Variants in CHRM2 observed in about 807,000 individuals in gnomAD.
The protein encoded by CHRM2 is cholinergic receptor muscarinic 2, also known as muscarinic acetylcholine receptor M2.
A neutral mutation model predicts 25.0 loss-of-function variants in CHRM2; 8 were observed. That is an observed-to-expected ratio of 0.32 (90% CI 0.19 to 0.58). The LOEUF (loss-of-function observed/expected upper bound fraction) is 0.58. Among genes scored for constraint, CHRM2 ranks in the 20% least tolerant of loss-of-function variants. The pLI is 0.88. For synonymous variants in CHRM2, 202 were observed against 205.7 expected, an observed-to-expected ratio of 0.98 and a Z score of 0.15; for missense variants, 440 against 567.1, an observed-to-expected ratio of 0.78 and a Z score of 2.28.
Position 137,000,272 on chromosome 7 carries a change from C to T in CHRM2, c.-47+8008C>T, listed in dbSNP as rs190624324. 6.5e-3 allele frequency among the ~76,000 whole-genome samples: 899 copies of T among 138,808 alleles called. 9 individuals are homozygous for T. The highest frequency in any genetic ancestry group is 0.023 in the African/African-American group (855 of 37,536). The allele number at this position is 138,808 out of a possible 152,430, so 91.1% of individuals were successfully genotyped here. On this transcript the variant is annotated intron_variant, in intron 3 of 3. Coordinates refer to ENST00000680005, the MANE Select transcript of CHRM2 (RefSeq NM_001006630.2). ...GGAGTGCAGTGGCGCAATCTCGGCT[C>T]ACTGCAACCTCCACCTCCCAGGTTC...
At chr7:136,918,452 A>C (rs542630932) in intron 2 of CHRM2, among the ~76,000 whole-genome samples, 1 of 152,228 alleles carries the variant, frequency 6.6e-6, no homozygotes, top group Non-Finnish European at 1.5e-5. Flanking sequence ...CTAAGATATA[A>C]AGTCTTTTAT....
At chr7:136,912,325 T>C (rs929139408) in intron 2 of CHRM2, among the ~76,000 whole-genome samples, 2 of 151,982 alleles carry the variant, frequency 1.3e-5, no homozygotes, top group South Asian at 2.1e-4. Context: ...GTACCTATCA[T>C]GAGTTATCTT....
At chr7:136,930,275 C>A (rs62485248) in intron 2 of CHRM2, among the ~76,000 whole-genome samples, 40,636 of 151,702 alleles carry the variant, frequency 0.27, 6,193 homozygotes, top group Non-Finnish European at 0.35. Flanking sequence ...TCTACTAAAA[C>A]TACAAAACAA....
chr7:136,999,547 C>A (rs956365789), intron 3 of CHRM2, among the ~76,000 whole-genome samples: 1 of 151,888 alleles, frequency 6.6e-6, no homozygotes, highest in African/African-American at 2.4e-5. Flanking sequence ...TCCCTCCCCC[C>A]TCCTCCCACC....
In CHRM2 at chr7:136,875,849, C is replaced by A. The variant is rs1181558399; in HGVS notation, c.-125+6431C>A. ...TGTAATGACTGGTACAGTGTACATG[C>A]TAAATAAATACTAGCCAATATATTT... On this transcript the variant is annotated intron_variant, in intron 2 of 3. Transcript: ENST00000680005. Among the ~76,000 whole-genome samples the A allele has an allele frequency of 3.9e-5, 6 of 152,144 alleles. No homozygotes were observed. The East Asian group carries it at 1.2e-3, about 29-fold the overall frequency.
At chr7:136,937,815 A>C (rs928104077) in intron 2 of CHRM2, among the ~76,000 whole-genome samples, 9 of 152,236 alleles carry the variant, frequency 5.9e-5, no homozygotes, top group Non-Finnish European at 1.3e-4. Flanking sequence ...GAACGTGACC[A>C]TTACATATCA....
At chr7:136,960,046 G>A (rs1046666355) in intron 2 of CHRM2, among the ~76,000 whole-genome samples, 10 of 152,316 alleles carry the variant, frequency 6.6e-5, no homozygotes, top group South Asian at 6.2e-4. Flanking sequence ...GAGGGAGAAC[G>A]GAGAGCGAGG....
chr7:137,015,749 A>T lies in CHRM2; in HGVS notation c.884A>T (p.Asn295Ile). Residue 295 changes from asparagine (N) to isoleucine (I), a missense_variant, in exon 4 of 4, where the codon AAT becomes ATT. Asn to Ile is a moderately radical substitution (Grantham distance 149, BLOSUM62 -3). This residue lies in a region of CHRM2 where 261 missense variants were observed against 261.8 expected (regional missense o/e 1.00). Transcript: ENST00000680005. The surrounding 1 kb of genome is among the most constrained non-coding windows in gnomAD (Gnocchi z 5.1). ...ACCTCAGTCAGTGCTGTTGCCTCTA[A>T]TATGAGAGATGATGAAATAACCCAG... is the stretch of plus-strand genomic sequence containing the variant. ...DSTSVSAVAS[N>I]MRDDEITQDE... The T allele has an allele frequency of 6.2e-7, 1 of 1,613,230 alleles. No homozygotes were observed. The highest frequency in any genetic ancestry group is 8.5e-7 in the Non-Finnish European group (1 of 1,179,518).
chr7:137,008,522 A>G lies in CHRM2; in HGVS notation c.-46-6298A>G, dbSNP rs1038017477. On this transcript the variant is annotated intron_variant, in intron 3 of 3. Transcript: ENST00000680005. Reference sequence around the variant, plus strand: ...ATTTGAGCCAACATTGATAAGGCTCATTATCTTATCACTGTTACTTGCTAA... The same window carrying G: ...ATTTGAGCCAACATTGATAAGGCTCGTTATCTTATCACTGTTACTTGCTAA... 3.3e-4 allele frequency among the ~76,000 whole-genome samples: 50 copies of G among 152,040 alleles called. 1 individual carries two copies. Among genetic ancestry groups the G allele is most frequent in the African/African-American group, 1.2e-3 (48 of 41,438 alleles).
At chr7:136,873,835 G>A (rs1356900237) in intron 2 of CHRM2, among the ~76,000 whole-genome samples, 1 of 152,210 alleles carries the variant, frequency 6.6e-6, no homozygotes, top group African/African-American at 2.4e-5. Context: ...AGAAGAGGCA[G>A]TGCTGAGTAG....
intron 2 of CHRM2, among the ~76,000 whole-genome samples, chr7:136,938,799 C>T (rs532481169): frequency 6.6e-6 from 1 of 151,930 alleles, no homozygotes; most frequent in East Asian, 2.0e-4. Context: ...GAAGCTCAGC[C>T]CTAGCCCTCA....
At chr7:136,914,663 G>A (rs927747197) in intron 2 of CHRM2, among the ~76,000 whole-genome samples, 9 of 151,944 alleles carry the variant, frequency 5.9e-5, no homozygotes, top group African/African-American at 2.2e-4. Flanking sequence ...CCACCTTGAT[G>A]ATATGTTGGA....
chr7:136,946,402 C>T (rs1800077053), intron 2 of CHRM2, among the ~76,000 whole-genome samples: 1 of 152,170 alleles, frequency 6.6e-6, no homozygotes, highest in South Asian at 2.1e-4. Flanking sequence ...TAAAACATGA[C>T]AGGGCTTTTC....
rs1805237411 is a variant in CHRM2 at position 137,017,207 on chromosome 7, G to T, written c.*941G>T. The T allele has an allele frequency of 1.3e-5, 2 of 151,808 alleles. No homozygotes were observed. The allele number at this position is 151,808 out of a possible 1,614,324, so 9.4% of individuals were successfully genotyped here. ...AAACCATCGTCACTGTAAAGTTGAGGTTTCATCAAATTAAATAATGGACTA... is the reference window on the plus strand; with the variant it reads ...AAACCATCGTCACTGTAAAGTTGAGTTTTCATCAAATTAAATAATGGACTA... On this transcript the variant is annotated 3_prime_UTR_variant, in exon 4 of 4. Coordinates refer to ENST00000680005, the MANE Select transcript of CHRM2 (RefSeq NM_001006630.2).
At chr7:136,910,547 C>T (rs1052398104) in intron 2 of CHRM2, among the ~76,000 whole-genome samples, 1 of 151,802 alleles carries the variant, frequency 6.6e-6, no homozygotes, top group Non-Finnish European at 1.5e-5. Flanking sequence ...CACTGAGATT[C>T]ACAGAATAAA....
At chr7:136,890,644 C>G (rs1232327118) in intron 2 of CHRM2, among the ~76,000 whole-genome samples, 2 of 152,116 alleles carry the variant, frequency 1.3e-5, no homozygotes, top group Non-Finnish European at 2.9e-5. Context: ...AAAACCCTAT[C>G]GTGGAGGCTT....
At chr7:136,915,089 A>G (rs1216806989) in intron 2 of CHRM2, among the ~76,000 whole-genome samples, 1 of 151,864 alleles carries the variant, frequency 6.6e-6, no homozygotes, top group African/African-American at 2.4e-5. Context: ...TTAATGAATT[A>G]CAGGCTTCTA....
chr7:137,001,056 A>G (rs1428454500), intron 3 of CHRM2, among the ~76,000 whole-genome samples: 2 of 152,188 alleles, frequency 1.3e-5, no homozygotes, highest in African/African-American at 4.8e-5. Context: ...TTTATTCAAG[A>G]GGCTTCCAAT....
intron 2 of CHRM2, among the ~76,000 whole-genome samples, chr7:136,923,178 C>T (rs12532094): frequency 0.24 from 36,056 of 151,414 alleles, 5,639 homozygotes; most frequent in Non-Finnish European, 0.35. Context: ...ACACATCTGG[C>T]AGCCACAAGG....
Sources: gnomAD v4.1 joint callset for allele counts (sites outside exome capture counted in the v4.1 genomes callset) on GRCh38, gnomAD v4.1.1 for gene constraint, gnomAD v4.1.1 regional missense constraint, Gnocchi (gnomAD v3.1) non-coding constraint, MANE v1.5 for transcripts, NCBI Gene and HGNC (gene_info 2026-07-23, HGNC 2026-07-21) for gene names.